The following KIF3A variants were observed in gnomAD, a reference collection of about 807,000 sequenced individuals.
KIF3A encodes kinesin family member 3A.
A neutral mutation model predicts 92.6 loss-of-function variants in KIF3A; 27 were observed. The observed-to-expected ratio is 0.29, with a 90% CI of 0.21 to 0.40. The LOEUF (loss-of-function observed/expected upper bound fraction) is 0.40, where lower values mean the gene tolerates loss of function less well. Among genes scored for constraint, KIF3A ranks in the 10% least tolerant of loss-of-function variants. The pLI, the probability that KIF3A is intolerant of heterozygous loss-of-function variation, is 1.00. For synonymous variants in KIF3A, 250 were observed against 275.4 expected (o/e 0.91, Z 0.92); for missense variants, 581 against 872.6 (o/e 0.67, Z 4.21).
rs755865316 is a variant in KIF3A at position 132,702,624 on chromosome 5, C to T, written c.1692G>A (p.Glu564=). Residue 564 remains glutamate (E), a synonymous_variant, in exon 14 of 19, where the codon GAG becomes GAA. Coordinates refer to ENST00000403231, the MANE Select transcript of KIF3A (RefSeq NM_001300791.2). ...ACTTCTTGGTCTTTCCCTGTGCTTC[C>T]TCTTGCAAACTGGTATATTTTTCTT... is the stretch of plus-strand genomic sequence containing the variant. ...DIEEKYTSLQ[E]EAQGKTKKLK... 1.9e-6 allele frequency: 3 copies of T among 1,613,230 alleles called. No individual in the cohort carries two copies. Among genetic ancestry groups the T allele is most frequent in the Non-Finnish European group, 2.5e-6 (3 of 1,179,598 alleles).
chr5:132,725,100 T>C (rs928415008), intron 4 of KIF3A, among the ~76,000 whole-genome samples: 1 of 151,628 alleles, frequency 6.6e-6, no homozygotes, highest in Non-Finnish European at 1.5e-5. Flanking sequence ...GGTACAAAAA[T>C]GGAAATGTTC....
At chr5:132,706,358 T>G (rs1163990544) in intron 11 of KIF3A, 93 bp downstream of exon 11, 19 of 837,440 alleles carry the variant, frequency 2.3e-5, no homozygotes, top group Non-Finnish European at 3.3e-5. Context: ...GTAAAAAAAC[T>G]ACTAAATTTT....
Position 132,737,406 on chromosome 5 carries a change from C to T in KIF3A, c.6+8G>A. The T allele has an allele frequency of 1.2e-6, 2 of 1,608,934 alleles. No individual in the cohort carries two copies. Among genetic ancestry groups the T allele is most frequent in the Non-Finnish European group, 8.5e-7 (1 of 1,178,006 alleles). On this transcript the variant is annotated splice_region_variant and intron_variant, in intron 1 of 18. Transcript: ENST00000403231. ...AAGAAACCCCAGAAGCGAAGCGACT[C>T]TCCTCACCGGCATCTTGGCCCCCTC...
At chr5:132,734,174 G>C in intron 2 of KIF3A, 31 bp downstream of exon 2, 1 of 1,543,136 alleles carries the variant, frequency 6.5e-7, no homozygotes, top group Non-Finnish European at 8.9e-7. Context: ...TCTCAATAAG[G>C]GAGTTTTTTA....
At chr5:132,702,396 C>T (rs908255912) in intron 14 of KIF3A, among the ~76,000 whole-genome samples, 162 bp downstream of exon 14, 4 of 152,252 alleles carry the variant, frequency 2.6e-5, no homozygotes, top group African/African-American at 9.6e-5. Flanking sequence ...TGAAAAGAAA[C>T]AATTTAGACT....
chr5:132,710,265 C>T (rs1241204047), intron 9 of KIF3A, among the ~76,000 whole-genome samples: 1 of 152,156 alleles, frequency 6.6e-6, no homozygotes, highest in African/African-American at 2.4e-5. Flanking sequence ...AATTCAATGA[C>T]TTTTAAAGAC....
chr5:132,704,118 A>G (rs1753134211), intron 11 of KIF3A, among the ~76,000 whole-genome samples: 1 of 152,012 alleles, frequency 6.6e-6, no homozygotes, highest in African/African-American at 2.4e-5. Flanking sequence ...ATCAGGCAGA[A>G]TTTACATCAA....
downstream of KIF3A, chr5:132,689,534 T>G (rs1752613993): frequency 6.6e-6 from 1 of 152,230 alleles, no homozygotes; most frequent in Admixed American, 6.5e-5. Context: ...TTCACTCTTT[T>G]TATATATGCG....
Position 132,734,401 on chromosome 5 carries a change from C to A in KIF3A, c.84G>T (p.Glu28Asp). 1 of 1,614,020 alleles carries A rather than the reference C, an allele frequency of 6.2e-7. No homozygotes were observed. Among genetic ancestry groups the A allele is most frequent in the Non-Finnish European group, 8.5e-7 (1 of 1,179,920 alleles). ...CAGCCTGTTTGTAGCACATTGATTT[C>A]TCTCTCTCATTGAGGGGCCGGCACC... Reference protein sequence around the residue: ...VVRCRPLNEREKSMCYKQAVS... With the variant: ...VVRCRPLNERDKSMCYKQAVS... Residue 28 changes from glutamate to aspartate, a missense_variant, in exon 2 of 19, where the codon GAG becomes GAT. Around this residue, in one of 5 missense-constraint regions of KIF3A, gnomAD observed 217 missense variants for 299.7 expected, o/e 0.72. Transcript: ENST00000403231.
downstream of KIF3A, chr5:132,688,846 T>C (rs1329348238): frequency 6.6e-6 from 1 of 152,204 alleles, no homozygotes; most frequent in Non-Finnish European, 1.5e-5. Flanking sequence ...AGTTGTAAAG[T>C]CCCAGTTAAA....
At chr5:132,690,786 G>A (rs1752643865), downstream of KIF3A, among the ~76,000 whole-genome samples, 1 of 152,086 alleles carries the variant, frequency 6.6e-6, no homozygotes, top group Non-Finnish European at 1.5e-5. Context: ...AATTAGCCGG[G>A]CGTGGTGGCA....
chr5:132,708,281 CA>C (rs58058674), intron 10 of KIF3A, among the ~76,000 whole-genome samples: 6,112 of 66,474 alleles, frequency 0.092, 304 homozygotes, highest in African/African-American at 0.25. Context: ...GACTCCGTCT[CA>C]AAAAAAAAAA....
chr5:132,713,347 A>G (rs749806285), intron 8 of KIF3A, among the ~76,000 whole-genome samples: 1 of 152,230 alleles, frequency 6.6e-6, no homozygotes, highest in Non-Finnish European at 1.5e-5. Context: ...CCTGGTTTCA[A>G]TAACTGTTGT....
At chr5:132,705,400 C>T (rs1209307718) in intron 11 of KIF3A, among the ~76,000 whole-genome samples, 1 of 151,846 alleles carries the variant, frequency 6.6e-6, no homozygotes, top group Non-Finnish European at 1.5e-5. Flanking sequence ...AGGAAATGAT[C>T]TAATCAACAT....
chr5:132,724,845 ATATATATATAT>A, intron 4 of KIF3A, among the ~76,000 whole-genome samples: 1 of 32,106 alleles, frequency 3.1e-5, no homozygotes, highest in South Asian at 1.3e-3. Flanking sequence ...ATATATATAT[ATATATATATAT>A]TAAAAAATCA....
At chr5:132,732,271 A>G (rs964417406) in intron 2 of KIF3A, among the ~76,000 whole-genome samples, 2 of 152,218 alleles carry the variant, frequency 1.3e-5, no homozygotes, top group African/African-American at 2.4e-5. Flanking sequence ...TCCTCAAAAC[A>G]TTAAACAAAG....
In KIF3A at chr5:132,711,030, C is replaced by T. The variant is rs1394435185; in HGVS notation, c.1157G>A (p.Ser386Asn). The T allele has an allele frequency of 6.2e-7, 1 of 1,611,062 alleles. No individual in the cohort carries two copies. Among genetic ancestry groups the T allele is most frequent in the Non-Finnish European group, 8.5e-7 (1 of 1,177,238 alleles). The part of the protein sequence containing the change: ...EGEEISGSDI[S>N]GSEEDDDEEG... ...TTCATCATCATCTTCCTCTGACCCA[C>T]TGATATCAGAGCCTGATATTTCTTC... Residue 386 changes from serine to asparagine, a missense_variant, in exon 9 of 19, where the codon AGT (serine) becomes AAT (asparagine). Physicochemically the swap from Ser to Asn is conservative, Grantham distance 46. Coordinates refer to ENST00000403231, the MANE Select transcript of KIF3A (RefSeq NM_001300791.2).
chr5:132,701,371 C>T (rs1209932554), intron 15 of KIF3A, among the ~76,000 whole-genome samples: 12 of 151,652 alleles, frequency 7.9e-5, no homozygotes, highest in African/African-American at 2.7e-4. Flanking sequence ...TGGTGGTACA[C>T]GCCTGTAATC....
chr5:132,718,129 G>A (rs1003759131), intron 5 of KIF3A, among the ~76,000 whole-genome samples: 2 of 151,838 alleles, frequency 1.3e-5, no homozygotes, highest in East Asian at 1.9e-4. Flanking sequence ...ATATACATAC[G>A]TGTAGACACA....
Sources: gnomAD v4.1 joint callset for allele counts (sites outside exome capture counted in the v4.1 genomes callset) on GRCh38, gnomAD v4.1.1 for gene constraint, gnomAD v4.1.1 regional missense constraint, MANE v1.5 for transcripts, NCBI Gene and HGNC (gene_info 2026-07-23, HGNC 2026-07-21) for gene names.